Variants in XKR6 observed in about 807,000 individuals in gnomAD.
XKR6 encodes the protein XK related 6.
In XKR6, 22 loss-of-function variants were observed where a neutral mutation model predicts 56.7. The ratio of observed to expected loss-of-function variants is 0.39; its 90% CI spans 0.28 to 0.55. The LOEUF is 0.55. XKR6 is among the 20% of genes least tolerant of loss of function. The pLI, the probability that XKR6 is intolerant of heterozygous loss-of-function variation, is 0.66. For missense variants in XKR6, 852 were observed against 889.0 expected, an observed-to-expected ratio of 0.96 and a Z score of 0.53; for synonymous variants, 524 against 387.8, an observed-to-expected ratio of 1.35 and a Z score of -4.13.
chr8:11,192,862 A>G (rs1416538222), intron 1 of XKR6, among the ~76,000 whole-genome samples: 1 of 152,174 alleles, frequency 6.6e-6, no homozygotes, highest in Non-Finnish European at 1.5e-5. Flanking sequence ...GAAGTGAGAA[A>G]GTCAGGCACC....
chr8:11,134,174 C>T (rs1050564502), intron 1 of XKR6, among the ~76,000 whole-genome samples: 4 of 152,142 alleles, frequency 2.6e-5, no homozygotes, highest in Non-Finnish European at 5.9e-5. Context: ...ACCTTCCTTG[C>T]CCACCCTTAC....
intron 1 of XKR6, among the ~76,000 whole-genome samples, chr8:11,163,119 A>C (rs1251638077): frequency 1.3e-5 from 2 of 152,244 alleles, no homozygotes; most frequent in African/African-American, 4.8e-5. Flanking sequence ...ATTATTTTCG[A>C]ATAAAATCAG....
intron 1 of XKR6, among the ~76,000 whole-genome samples, chr8:11,038,024 TAAA>T (rs34286744): frequency 1.2e-4 from 16 of 132,448 alleles, no homozygotes; most frequent in Non-Finnish European, 3.2e-5. Flanking sequence ...CAGATATATC[TAAA>T]AAAAAAAAAA....
intron 1 of XKR6, among the ~76,000 whole-genome samples, chr8:11,060,078 T>C (rs938472594): frequency 6.6e-6 from 1 of 152,156 alleles, no homozygotes; most frequent in Non-Finnish European, 1.5e-5. Context: ...GTAAGTGCAC[T>C]TCTGGTGTTA....
intron 1 of XKR6, among the ~76,000 whole-genome samples, chr8:10,989,616 C>G (rs976845005): frequency 6.6e-6 from 1 of 152,180 alleles, no homozygotes; most frequent in Admixed American, 6.5e-5. Context: ...AGTTCCTTAG[C>G]CTCTTTTAAT....
chr8:10,991,067 C>A (rs1181288001), intron 1 of XKR6, among the ~76,000 whole-genome samples: 1 of 151,952 alleles, frequency 6.6e-6, no homozygotes, highest in Non-Finnish European at 1.5e-5. Context: ...ACATGCCCAG[C>A]TGATTTTTGT....
At chr8:11,198,133 G>T (rs1803992072) in intron 1 of XKR6, among the ~76,000 whole-genome samples, 1 of 152,190 alleles carries the variant, frequency 6.6e-6, no homozygotes, top group South Asian at 2.1e-4. Flanking sequence ...CAGAGATGAT[G>T]TATGTTCAAA....
At chr8:10,927,811 G>A (rs939777923) in intron 1 of XKR6, among the ~76,000 whole-genome samples, 2 of 152,032 alleles carry the variant, frequency 1.3e-5, no homozygotes, top group Non-Finnish European at 2.9e-5. Context: ...AGGCAAAGAG[G>A]GTGCCACTCC....
chr8:11,182,881 C>T (rs1803069636), intron 1 of XKR6, among the ~76,000 whole-genome samples: 1 of 152,182 alleles, frequency 6.6e-6, no homozygotes, highest in Admixed American at 6.5e-5. Flanking sequence ...CGTATCCCCT[C>T]GCCCCAGCCC....
chr8:11,144,537 G>A (rs754451612), intron 1 of XKR6, among the ~76,000 whole-genome samples: 1 of 151,960 alleles, frequency 6.6e-6, no homozygotes, highest in Non-Finnish European at 1.5e-5. Context: ...GGCGCTAAGA[G>A]CTCGGCTGGT....
chr8:11,144,879 G>T (rs912971309), intron 1 of XKR6, among the ~76,000 whole-genome samples: 1 of 147,596 alleles, frequency 6.8e-6, no homozygotes, highest in African/African-American at 2.5e-5. Context: ...GGGGAAAGGA[G>T]AGAAGGGGAA....
Position 11,144,200 on chromosome 8 carries a change from A to ATGTAGTTT in XKR6, c.764+56368_764+56375dup, listed in dbSNP as rs369611546. ...CATAAACGCTGTATATATTTATTTG[A>ATGTAGTTT]TGTAGTTTTGTTTTAAATAAAAAGT... On this transcript the variant is annotated intron_variant, in intron 1 of 2. Coordinates refer to ENST00000416569, the MANE Select transcript of XKR6 (RefSeq NM_173683.4). Among the ~76,000 whole-genome samples the ATGTAGTTT allele has an allele frequency of 2.3e-3, 318 of 138,298 alleles. 1 individual carries two copies. Among genetic ancestry groups the ATGTAGTTT allele is most frequent in the African/African-American group, 8.8e-3 (309 of 35,102 alleles). 90.7% of individuals were successfully genotyped at this position (138,298 alleles called of 152,430 possible). A position where few individuals can be genotyped will look rare whatever the true frequency, so the allele number is the denominator to read the frequency against.
chr8:11,169,536 A>G (rs1417072234), intron 1 of XKR6, among the ~76,000 whole-genome samples: 1 of 152,248 alleles, frequency 6.6e-6, no homozygotes, highest in East Asian at 1.9e-4. Context: ...CCAGATACAG[A>G]AGGACAAATA....
intron 1 of XKR6, chr8:11,194,378 G>GT (rs1251834861): frequency 1.3e-5 from 2 of 152,166 alleles, no homozygotes; most frequent in Non-Finnish European, 2.9e-5. Context: ...CTTTTCTTAA[G>GT]TATCTCCAAT....
intron 1 of XKR6, chr8:11,129,094 A>G: frequency 5.2e-6 from 2 of 385,982 alleles, no homozygotes; most frequent in Non-Finnish European, 5.1e-6. Flanking sequence ...CAAGAGCCCA[A>G]TCAAGAAAAT....
At chr8:11,047,500 C>A (rs1442608156) in intron 1 of XKR6, among the ~76,000 whole-genome samples, 1 of 152,096 alleles carries the variant, frequency 6.6e-6, no homozygotes, top group Non-Finnish European at 1.5e-5. Context: ...GGCCCATTTT[C>A]CATGAAAAAG....
At chr8:10,983,566 G>A (rs928343272) in intron 1 of XKR6, among the ~76,000 whole-genome samples, 3 of 152,006 alleles carry the variant, frequency 2.0e-5, no homozygotes, top group Non-Finnish European at 2.9e-5. Flanking sequence ...AGGTTTTACA[G>A]AAAAATTCTA....
chr8:11,196,462 A>C (rs1803895359), intron 1 of XKR6, among the ~76,000 whole-genome samples: 1 of 152,222 alleles, frequency 6.6e-6, no homozygotes, highest in Non-Finnish European at 1.5e-5. Flanking sequence ...AACCAAAAAA[A>C]ACAGAAAACA....
chr8:11,037,965 T>G (rs1275728106), intron 1 of XKR6, among the ~76,000 whole-genome samples: 1 of 151,390 alleles, frequency 6.6e-6, no homozygotes, highest in Non-Finnish European at 1.5e-5. Context: ...AGGCAGAGGT[T>G]GTAGTGAGCC....
Sources: gnomAD v4.1 joint callset for allele counts (sites outside exome capture counted in the v4.1 genomes callset) on GRCh38, gnomAD v4.1.1 for gene constraint, MANE v1.5 for transcripts, NCBI Gene and HGNC (gene_info 2026-07-23, HGNC 2026-07-21) for gene names.